The following CD44 variants were observed in gnomAD, a reference collection of about 807,000 sequenced individuals.
CD44 encodes the protein CD44 molecule (IN blood group).
Under a neutral mutation model 88.8 loss-of-function variants are expected in CD44, and 49 were observed. That is an observed-to-expected ratio of 0.55 (90% confidence interval 0.44 to 0.70). CD44 has a LOEUF of 0.70. Ranked by LOEUF, CD44 falls within the 30% of genes least tolerant of loss-of-function variation. The pLI, the probability that CD44 is intolerant of heterozygous loss-of-function variation, is 0.00. For missense variants in CD44, 883 were observed against 913.8 expected (o/e 0.97, Z 0.43); for synonymous variants, 325 against 312.3 (o/e 1.04, Z -0.43).
In CD44 at chr11:35,199,546, G is replaced by C. The variant is rs77586324; in HGVS notation, c.922+1300G>C. Among the ~76,000 whole-genome samples the C allele has an allele frequency of 7.9e-5, 12 of 152,028 alleles. No homozygotes were observed. In the East Asian group the frequency reaches 2.3e-3, roughly 29 times the overall value. On this transcript the variant is annotated intron_variant, in intron 7 of 17. Coordinates refer to ENST00000428726, the MANE Select transcript of CD44 (RefSeq NM_000610.4). ...CATCCTCAAATGGACAGAGAAGAAA[G>C]GGTCCAGAAAAAAAAATAGCTTAGG...
chr11:35,142,267 A>G (rs756921704), intron 1 of CD44, among the ~76,000 whole-genome samples: 43 of 152,254 alleles, frequency 2.8e-4, no homozygotes, highest in South Asian at 6.2e-4. Context: ...ATCTAGAACT[A>G]GAAATACCAT....
intron 1 of CD44, among the ~76,000 whole-genome samples, chr11:35,172,175 AC>A (rs1228547869): frequency 2.0e-5 from 3 of 152,170 alleles, no homozygotes; most frequent in African/African-American, 4.8e-5. Flanking sequence ...TGACTTGTCC[AC>A]TTTTGCTTTG....
At chr11:35,192,129 T>C (rs1946327529) in intron 5 of CD44, among the ~76,000 whole-genome samples, 1 of 152,212 alleles carries the variant, frequency 6.6e-6, no homozygotes, top group South Asian at 2.1e-4. Context: ...AAATGAATTG[T>C]GCCTTTCTCC....
intron 1 of CD44, among the ~76,000 whole-genome samples, chr11:35,152,127 G>C (rs1234923285): frequency 6.6e-6 from 1 of 152,250 alleles, no homozygotes; most frequent in Non-Finnish European, 1.5e-5. Context: ...TGCATTCTCA[G>C]CTGCCACTGG....
intron 17 of CD44, among the ~76,000 whole-genome samples, chr11:35,228,536 A>G (rs1440549485): frequency 6.6e-6 from 1 of 152,220 alleles, no homozygotes; most frequent in Non-Finnish European, 1.5e-5. Context: ...TAAAATGCTT[A>G]AAAGAGGCAA....
rs1948384734 is a variant in CD44 at position 35,211,492 on chromosome 11, G to A, written c.1810+43G>A. ...ATCTAGTTTGCTTTCTCTATATAGA[G>A]AAACAATATATAGTTTCATATTACA... On this transcript the variant is annotated intron_variant, in intron 14 of 17. Transcript: ENST00000428726. The A allele has an allele frequency of 2.1e-6, 3 of 1,416,748 alleles. No individual in the cohort carries two copies. The East Asian group carries it at 6.9e-5, about 32-fold the overall frequency. The allele number at this position is 1,416,748 out of a possible 1,614,324, so 87.8% of individuals were successfully genotyped here.
At chr11:35,175,298 G>A (rs1360246113) in intron 1 of CD44, among the ~76,000 whole-genome samples, 1 of 152,174 alleles carries the variant, frequency 6.6e-6, no homozygotes, top group Non-Finnish European at 1.5e-5. Flanking sequence ...TACTGGGTAT[G>A]AACATAAACT....
At chr11:35,150,149 T>C (rs1860028438) in intron 1 of CD44, among the ~76,000 whole-genome samples, 1 of 152,230 alleles carries the variant, frequency 6.6e-6, no homozygotes, top group Non-Finnish European at 1.5e-5. Flanking sequence ...CAGAGCTTCA[T>C]GAGCACCTTG....
At chr11:35,209,871 T>C in intron 12 of CD44, 94 bp from the exon 13 acceptor site, 2 of 757,432 alleles carry the variant, frequency 2.6e-6, no homozygotes, top group African/African-American at 1.8e-5. Context: ...CCTATCCATC[T>C]GACTCTACTC....
intron 1 of CD44, among the ~76,000 whole-genome samples, chr11:35,167,296 T>C (rs1022083867): frequency 2.0e-5 from 3 of 152,150 alleles, no homozygotes; most frequent in African/African-American, 7.2e-5. Context: ...TTTGTTTGTT[T>C]TGTTTTGTTT....
chr11:35,190,977 TCTTTG>T (rs1946212896), intron 5 of CD44, among the ~76,000 whole-genome samples: 1 of 152,248 alleles, frequency 6.6e-6, no homozygotes, highest in African/African-American at 2.4e-5. Context: ...CCTGTTTCCC[TCTTTG>T]CTTTTCTTCT....
At chr11:35,190,490 AC>A (rs1173504266) in intron 5 of CD44, 2 of 176,788 alleles carry the variant, frequency 1.1e-5, no homozygotes, top group East Asian at 3.0e-4. Flanking sequence ...CTCCACTAGC[AC>A]CTTTTAAAAA....
chr11:35,219,430 C>A, intron 16 of CD44, 43 bp downstream of exon 16: 1 of 1,439,046 alleles, frequency 6.9e-7, no homozygotes, highest in Non-Finnish European at 9.8e-7. Context: ...CTGAAAGCAG[C>A]TTTCTCAGAA....
chr11:35,158,183 A>G (rs187701621), intron 1 of CD44, among the ~76,000 whole-genome samples: 1 of 152,328 alleles, frequency 6.6e-6, no homozygotes, highest in East Asian at 1.9e-4. Flanking sequence ...ACTCAGAAAT[A>G]AGATCCTTTT....
At chr11:35,183,004 C>T (rs1945304150) in intron 3 of CD44, among the ~76,000 whole-genome samples, 1 of 152,122 alleles carries the variant, frequency 6.6e-6, no homozygotes, top group Non-Finnish European at 1.5e-5. Context: ...AGGTTGGGCC[C>T]ATACCTGGAG....
At chr11:35,192,441 G>C (rs914152452) in intron 5 of CD44, among the ~76,000 whole-genome samples, 1 of 152,196 alleles carries the variant, frequency 6.6e-6, no homozygotes, top group African/African-American at 2.4e-5. Flanking sequence ...GTTGGACTGA[G>C]AGCTGGGACA....
chr11:35,153,423 G>A (rs1941445927), intron 1 of CD44, among the ~76,000 whole-genome samples: 1 of 152,106 alleles, frequency 6.6e-6, no homozygotes, highest in Admixed American at 6.5e-5. Context: ...TATCCTTTTT[G>A]ACTTAATGAG....
At chr11:35,220,763 C>CTTTT (rs34175178) in intron 16 of CD44, among the ~76,000 whole-genome samples, 3 of 105,206 alleles carry the variant, frequency 2.9e-5, no homozygotes, top group Non-Finnish European at 5.4e-5. Flanking sequence ...TAATATACGT[C>CTTTT]TTTTTTTTTT....
intron 2 of CD44, among the ~76,000 whole-genome samples, chr11:35,177,336 C>T (rs1944569790): frequency 6.6e-6 from 1 of 152,208 alleles, no homozygotes; most frequent in Non-Finnish European, 1.5e-5. Context: ...GAGCCTTCCT[C>T]AAACTATGGC....
Sources: allele counts gnomAD v4.1 joint callset (sites outside exome capture counted in the v4.1 genomes callset), GRCh38; gene constraint gnomAD v4.1.1; transcripts MANE v1.5; gene names NCBI Gene and HGNC (gene_info 2026-07-23, HGNC 2026-07-21).